Variants in PMS1 observed in about 807,000 individuals in gnomAD.
The protein encoded by PMS1 is PMS1 homolog 1, mismatch repair system component, also known as PMS1 protein homolog 1.
PMS1 carries 79 observed loss-of-function variants against 93.1 expected under a neutral mutation model. The ratio of observed to expected loss-of-function variants is 0.85; its 90% CI spans 0.71 to 1.02. The LOEUF (loss-of-function observed/expected upper bound fraction) is 1.02, where lower values mean the gene tolerates loss of function less well. Ranked by LOEUF, PMS1 falls within the 50% of genes least tolerant of loss-of-function variation. PMS1 has a pLI of 0.00. For synonymous variants in PMS1, 335 were observed against 363.4 expected (o/e 0.92, Z 0.89); for missense variants, 1,064 against 1,085.3 (o/e 0.98, Z 0.28).
intron 10 of PMS1, among the ~76,000 whole-genome samples, chr2:189,864,682 AAAAAAATATATATATATATATATATAT>A (rs1296100382): frequency 1.0e-4 from 4 of 39,892 alleles, no homozygotes; most frequent in African/African-American, 1.2e-4. Flanking sequence ...AAAAAAAAAA[AAAAAAATATATATATATATATATATAT>A]ATATATATAT....
At chr2:189,860,356 C>T (rs2055828133) in intron 9 of PMS1, among the ~76,000 whole-genome samples, 1 of 151,384 alleles carries the variant, frequency 6.6e-6, no homozygotes, top group Non-Finnish European at 1.5e-5. Flanking sequence ...GCTTCTTAGG[C>T]TCAACAAAGA....
Position 189,877,376 on chromosome 2 carries a change from A to G in PMS1, c.2739A>G (p.Lys913=). The G allele has an allele frequency of 6.2e-7, 1 of 1,613,542 alleles. No individual in the cohort carries two copies. Among genetic ancestry groups the G allele is most frequent in the Non-Finnish European group, 8.5e-7 (1 of 1,179,438 alleles). The stretch of plus-strand genomic sequence containing the variant: ...AGCACCAGTTTGGAAATGAAATTAA[A>G]GAGTGTGTTCATGGTCGCCCATTTT... ...RMKHQFGNEI[K]ECVHGRPFFH... The change falls in exon 13 of 13, where the codon AAA becomes AAG. Residue 913 remains lysine, a synonymous_variant. Coordinates refer to ENST00000441310, the MANE Select transcript of PMS1 (RefSeq NM_000534.5).
chr2:189,805,479 G>A (rs1292826636), intron 3 of PMS1, among the ~76,000 whole-genome samples, 173 bp from the exon 4 acceptor site: 1 of 152,146 alleles, frequency 6.6e-6, no homozygotes, highest in Non-Finnish European at 1.5e-5. Context: ...AAGCTGGCCT[G>A]TTGCTTATTT....
In PMS1 at chr2:189,792,872, C is replaced by T. The variant is rs190831775; in HGVS notation, c.132+931C>T. 6.5e-4 allele frequency among the ~76,000 whole-genome samples: 99 copies of T among 151,572 alleles called. 2 individuals carry two copies. The highest frequency in any genetic ancestry group is 2.2e-3 in the African/African-American group (91 of 41,326). On this transcript the variant is annotated intron_variant, in intron 2 of 12. Coordinates refer to ENST00000441310, the MANE Select transcript of PMS1 (RefSeq NM_000534.5). ...TTTCGCCCAGGCTGGAGTGCAATGG[C>T]GCGATCTCAGCTTACTGCACTCTCC...
At chr2:189,829,606 G>A (rs546675022) in intron 5 of PMS1, among the ~76,000 whole-genome samples, 3 of 152,210 alleles carry the variant, frequency 2.0e-5, no homozygotes, top group African/African-American at 7.2e-5. Context: ...TCATCATTTT[G>A]GTATCTGAGC....
At chr2:189,793,006 C>T (rs1227177296) in intron 2 of PMS1, among the ~76,000 whole-genome samples, 1 of 151,968 alleles carries the variant, frequency 6.6e-6, no homozygotes, top group Non-Finnish European at 1.5e-5. Context: ...GATGGGGTTT[C>T]GCCATGTCGG....
intron 9 of PMS1, among the ~76,000 whole-genome samples, chr2:189,862,018 GTTGTAT>G (rs936307448): frequency 7.9e-5 from 12 of 151,676 alleles, no homozygotes; most frequent in African/African-American, 2.9e-4. Context: ...GCATCTGTAA[GTTGTAT>G]TTCTCCAAAT....
intron 4 of PMS1, among the ~76,000 whole-genome samples, chr2:189,810,936 G>C (rs1340239443): frequency 6.7e-6 from 1 of 149,606 alleles, no homozygotes; most frequent in East Asian, 2.0e-4. Context: ...AGAAACAATA[G>C]TGTAAATAAA....
chr2:189,818,265 A>G (rs2051501813), intron 5 of PMS1, 85 bp downstream of exon 5: 3 of 885,280 alleles, frequency 3.4e-6, no homozygotes, highest in Non-Finnish European at 5.4e-6. Flanking sequence ...GATATGGGCT[A>G]TGACTAAATG....
intron 5 of PMS1, 128 bp from the exon 6 acceptor site, chr2:189,843,836 A>G (rs1255383569): frequency 1.3e-6 from 1 of 782,728 alleles, no homozygotes; most frequent in Non-Finnish European, 2.2e-6. Context: ...TAGCTCATGA[A>G]TCTCTTCTAA....
At chr2:189,789,137 T>C (rs1575009877) in intron 1 of PMS1, among the ~76,000 whole-genome samples, 1 of 152,330 alleles carries the variant, frequency 6.6e-6, no homozygotes, top group South Asian at 2.1e-4. Flanking sequence ...GGGTAGTTAG[T>C]ATTTAAAAAG....
chr2:189,814,338 T>C (rs2051089702), intron 4 of PMS1, among the ~76,000 whole-genome samples: 1 of 151,296 alleles, frequency 6.6e-6, no homozygotes, highest in Non-Finnish European at 1.5e-5. Context: ...ATTAGTAATG[T>C]TATATGCTAA....
intron 4 of PMS1, among the ~76,000 whole-genome samples, chr2:189,812,301 GAAACA>G (rs971934140): frequency 2.0e-5 from 3 of 152,152 alleles, no homozygotes; most frequent in Admixed American, 6.6e-5. Context: ...ACTCTCAAAT[GAAACA>G]AAACAAAAAG....
At chr2:189,832,959 A>G (rs2053084433) in intron 5 of PMS1, among the ~76,000 whole-genome samples, 1 of 152,200 alleles carries the variant, frequency 6.6e-6, no homozygotes. Context: ...CAGCTCCTGA[A>G]TATTATTACT....
intron 2 of PMS1, among the ~76,000 whole-genome samples, chr2:189,795,352 G>A (rs2049255201): frequency 1.3e-5 from 2 of 152,288 alleles, no homozygotes; most frequent in South Asian, 4.1e-4. Context: ...GCTAGGTTCT[G>A]CCTGACTAGA....
intron 3 of PMS1, among the ~76,000 whole-genome samples, chr2:189,803,792 A>T (rs1375901645): frequency 6.6e-6 from 1 of 152,242 alleles, no homozygotes; most frequent in African/African-American, 2.4e-5. Flanking sequence ...TACTGTCTTT[A>T]GCCATGAATT....
chr2:189,841,607 C>G (rs1414146105), intron 5 of PMS1, among the ~76,000 whole-genome samples: 2 of 152,004 alleles, frequency 1.3e-5, no homozygotes, highest in Non-Finnish European at 2.9e-5. Flanking sequence ...TACGTAATAT[C>G]ATTACCACTA....
At chr2:189,832,768 A>G (rs533972988) in intron 5 of PMS1, among the ~76,000 whole-genome samples, 2 of 152,336 alleles carry the variant, frequency 1.3e-5, no homozygotes, top group South Asian at 4.1e-4. Context: ...ATAGAGGCAG[A>G]GAAGAGAGCT....
chr2:189,858,895 G>T (rs931795111), intron 9 of PMS1, among the ~76,000 whole-genome samples: 2 of 151,922 alleles, frequency 1.3e-5, no homozygotes, highest in African/African-American at 4.8e-5. Flanking sequence ...CAGCAGACAG[G>T]TACTGAGCAC....
Sources: gnomAD v4.1 joint callset for allele counts (sites outside exome capture counted in the v4.1 genomes callset) on GRCh38, gnomAD v4.1.1 for gene constraint, MANE v1.5 for transcripts, NCBI Gene and HGNC (gene_info 2026-07-23, HGNC 2026-07-21) for gene names.